The following DNAAF11 variants were observed in gnomAD, a reference collection of about 807,000 sequenced individuals.
The protein encoded by DNAAF11 is dynein axonemal assembly factor 11, also known as leucine rich repeat containing 6.
In DNAAF11, 45 loss-of-function variants were observed where a neutral mutation model predicts 60.8. That is an observed-to-expected ratio of 0.74 (90% CI 0.58 to 0.95). The LOEUF is 0.95. Among genes scored for constraint, DNAAF11 ranks in the 40% least tolerant of loss-of-function variants. The pLI is 0.00. For missense variants in DNAAF11, 546 were observed against 546.2 expected (o/e 1.00, Z 0.00); for synonymous variants, 191 against 183.5 (o/e 1.04, Z -0.33).
chr8:132,647,845 A>AGTT (rs1017476139), intron 3 of DNAAF11, among the ~76,000 whole-genome samples: 7 of 152,230 alleles, frequency 4.6e-5, no homozygotes, highest in Non-Finnish European at 8.8e-5. Flanking sequence ...GACCAATAAC[A>AGTT]GGCTCTGAAA....
At position 132,572,572 on chromosome 8, in the gene DNAAF11, C is replaced by T. The variant is rs1478176125; in HGVS notation, c.1227-92G>A. ...CTCACCCATCCATTTATTCAGCAAA[C>T]GTTGGCAAGTAATATGCCTGGAGCA... On this transcript the variant is annotated intron_variant, in intron 11 of 11. Transcript: ENST00000620350. 8.9e-6 allele frequency: 8 copies of T among 900,162 alleles called. No homozygotes were observed. In the East Asian group the frequency reaches 1.3e-4, roughly 14 times the overall value. The allele number at this position is 900,162 out of a possible 1,614,324, so 55.8% of individuals were successfully genotyped here.
chr8:132,581,376 G>A (rs1488244975), intron 11 of DNAAF11, among the ~76,000 whole-genome samples: 1 of 152,092 alleles, frequency 6.6e-6, no homozygotes, highest in Admixed American at 6.6e-5. Context: ...CTGGCTGGGT[G>A]CGGTGGCTCA....
intron 1 of DNAAF11, 98 bp from the exon 2 acceptor site, chr8:132,661,725 G>T (rs1276762191): frequency 1.6e-6 from 2 of 1,260,692 alleles, no homozygotes; most frequent in Non-Finnish European, 2.3e-6. Flanking sequence ...GTTTGTTTTT[G>T]CAGTTGAATG....
At chr8:132,698,967 C>CAAAAA in the DNAAF11 span, among the ~76,000 whole-genome samples, 3 of 109,618 alleles carry the variant, frequency 2.7e-5, no homozygotes, top group African/African-American at 9.9e-5. Context: ...CACACACACA[C>CAAAAA]ACACAAAAAA....
chr8:132,658,341 GAGAC>G (rs1823782815), intron 2 of DNAAF11, among the ~76,000 whole-genome samples: 1 of 151,838 alleles, frequency 6.6e-6, no homozygotes, highest in Non-Finnish European at 1.5e-5. Context: ...CTTTTTTTAA[GAGAC>G]AGAGTCTCAC....
chr8:132,575,058 C>A (rs1814598721), intron 11 of DNAAF11, among the ~76,000 whole-genome samples: 1 of 152,184 alleles, frequency 6.6e-6, no homozygotes, highest in Non-Finnish European at 1.5e-5. Context: ...AACCCACAAC[C>A]TGCTAGGCCC....
At chr8:132,658,602 T>G (rs577389481) in intron 2 of DNAAF11, among the ~76,000 whole-genome samples, 36 of 152,334 alleles carry the variant, frequency 2.4e-4, no homozygotes, top group African/African-American at 8.2e-4. Context: ...ATTACAGGCA[T>G]GAGCCACCGC....
At chr8:132,590,785 C>G (rs553696020) in intron 10 of DNAAF11, among the ~76,000 whole-genome samples, 1 of 152,304 alleles carries the variant, frequency 6.6e-6, no homozygotes, top group African/African-American at 2.4e-5. Flanking sequence ...TGCAATTTAA[C>G]TTATACAACC....
chr8:132,628,445 T>C (rs1452836191), intron 5 of DNAAF11, among the ~76,000 whole-genome samples: 2 of 151,982 alleles, frequency 1.3e-5, no homozygotes, highest in Non-Finnish European at 2.9e-5. Flanking sequence ...ATCCTTGCCA[T>C]GTGAAGTGTG....
intron 8 of DNAAF11, 27 bp downstream of exon 8, chr8:132,615,011 A>AC: frequency 6.8e-7 from 1 of 1,472,248 alleles, no homozygotes; most frequent in Non-Finnish European, 9.4e-7. Flanking sequence ...GAAATGTCAT[A>AC]AATAAATACG....
intron 10 of DNAAF11, among the ~76,000 whole-genome samples, chr8:132,594,985 C>T (rs1170602781): frequency 6.6e-6 from 1 of 152,044 alleles, no homozygotes; most frequent in Non-Finnish European, 1.5e-5. Flanking sequence ...CTTTCTGGCT[C>T]CCTCACACAC....
In DNAAF11 at chr8:132,652,229, A is replaced by G. The variant is rs537734183; in HGVS notation, c.256+4601T>C. Among the ~76,000 whole-genome samples the G allele has an allele frequency of 2.0e-5, 3 of 152,216 alleles. No homozygotes were observed. The South Asian group carries it at 6.2e-4, about 32-fold the overall frequency. Reference sequence around the variant, plus strand: ...CACGCCCCACCCACTTGCAGAGTACACAGTGGCTCTGCCAGGCAGGCTGAG... The same window carrying G: ...CACGCCCCACCCACTTGCAGAGTACGCAGTGGCTCTGCCAGGCAGGCTGAG... On this transcript the variant is annotated intron_variant, in intron 3 of 11. Transcript: ENST00000620350.
intron 8 of DNAAF11, among the ~76,000 whole-genome samples, chr8:132,612,809 A>G (rs925749166): frequency 6.6e-6 from 1 of 152,180 alleles, no homozygotes; most frequent in African/African-American, 2.4e-5. Flanking sequence ...GATAACCAGG[A>G]ATTATAGCAT....
chr8:132,608,223 GAAT>G (rs762834888), intron 10 of DNAAF11, among the ~76,000 whole-genome samples: 9 of 151,886 alleles, frequency 5.9e-5, no homozygotes, highest in Non-Finnish European at 1.0e-4. Context: ...CTTTTAAAAA[GAAT>G]AATGATAGAA....
intron 5 of DNAAF11, among the ~76,000 whole-genome samples, chr8:132,631,859 C>A (rs1280652032): frequency 6.6e-6 from 1 of 151,670 alleles, no homozygotes; most frequent in Non-Finnish European, 1.5e-5. Flanking sequence ...ACACCGGGGC[C>A]TGTTGTGGGG....
intron 3 of DNAAF11, among the ~76,000 whole-genome samples, chr8:132,646,602 CAG>C (rs2130665389): frequency 6.6e-6 from 1 of 152,262 alleles, no homozygotes; most frequent in South Asian, 2.1e-4. Flanking sequence ...ATCTCACGTG[CAG>C]AGACACACAT....
intron 3 of DNAAF11, among the ~76,000 whole-genome samples, chr8:132,639,034 C>T (rs938258459): frequency 4.6e-5 from 7 of 152,162 alleles, no homozygotes; most frequent in African/African-American, 1.4e-4. Flanking sequence ...AGATAATATA[C>T]GATGACTCAT....
At chr8:132,616,318 C>T (rs1316854928) in intron 7 of DNAAF11, among the ~76,000 whole-genome samples, 1 of 151,968 alleles carries the variant, frequency 6.6e-6, no homozygotes, top group South Asian at 2.1e-4. Context: ...CCTTTCTTCC[C>T]TTTTTTCTTC....
At position 132,675,515 on chromosome 8, in the gene DNAAF11, C is replaced by T; in HGVS notation, c.-22G>A. ...CCATGGCGCCTCTCCAGTTCGCTGA[C>T]CCCGCAAGCCGGACCCGGACCTCGA... On this transcript the variant is annotated 5_prime_UTR_variant, in exon 1 of 12. Transcript: ENST00000620350. 1 of 1,556,508 alleles carries T rather than the reference C, an allele frequency of 6.4e-7. No individual in the cohort carries two copies.
Sources: allele counts gnomAD v4.1 joint callset (sites outside exome capture counted in the v4.1 genomes callset), GRCh38; gene constraint gnomAD v4.1.1; transcripts MANE v1.5; gene names NCBI Gene and HGNC (gene_info 2026-07-23, HGNC 2026-07-21).